CDK7: variants seen among roughly 807,000 people sequenced by gnomAD.
The protein encoded by CDK7 is cyclin dependent kinase 7, also known as cyclin-dependent kinase 7.
A neutral mutation model predicts 49.1 loss-of-function variants in CDK7; 25 were observed. The ratio of observed to expected loss-of-function variants is 0.51; its 90% CI spans 0.37 to 0.71. The LOEUF (loss-of-function observed/expected upper bound fraction) is 0.71, where lower values mean the gene tolerates loss of function less well. Ranked by LOEUF, CDK7 falls within the 30% of genes least tolerant of loss-of-function variation. The pLI, the probability that CDK7 is intolerant of heterozygous loss-of-function variation, is 0.00. For synonymous variants in CDK7, 107 were observed against 140.0 expected (o/e 0.76, Z 1.67); for missense variants, 316 against 411.7 (o/e 0.77, Z 2.01).
chr5:69,254,817 G>A, intron 4 of CDK7, 148 bp downstream of exon 4: 1 of 573,742 alleles, frequency 1.7e-6, no homozygotes, highest in East Asian at 2.8e-5. Flanking sequence ...CAGTTGTTTT[G>A]GTAGGCATTG....
intron 5 of CDK7, among the ~76,000 whole-genome samples, chr5:69,256,281 AT>A (rs1405271779): frequency 6.6e-6 from 1 of 152,196 alleles, no homozygotes; most frequent in Non-Finnish European, 1.5e-5. Context: ...ATATTAAAAA[AT>A]AAAGAAACTT....
At position 69,273,091 on chromosome 5, in the gene CDK7, C is replaced by A. The variant is rs376959122; in HGVS notation, c.864+50C>A. On this transcript the variant is annotated intron_variant, in intron 10 of 11. Coordinates refer to ENST00000256443, the MANE Select transcript of CDK7 (RefSeq NM_001799.4). ...CTAGGAAATATAAAAATAATCTTAA[C>A]TGTAGCATTGATAAAAATAGAATTT... 11 of 1,204,978 alleles carry A rather than the reference C, an allele frequency of 9.1e-6. No homozygotes were observed. The Admixed American group carries it at 1.7e-4, about 18-fold the overall frequency. 74.6% of individuals were successfully genotyped at this position (1,204,978 alleles called of 1,614,324 possible).
At chr5:69,267,292 CTTTTTTTTTTTTT>C (rs71612523) in intron 8 of CDK7, among the ~76,000 whole-genome samples, 21 of 91,094 alleles carry the variant, frequency 2.3e-4, no homozygotes, top group South Asian at 2.0e-3. Flanking sequence ...ATAAGGATTC[CTTTTTTTTTTTTT>C]TTTTTTTTTT....
At chr5:69,250,300 C>G (rs145980966) in intron 2 of CDK7, among the ~76,000 whole-genome samples, 5 of 152,106 alleles carry the variant, frequency 3.3e-5, no homozygotes, top group African/African-American at 1.2e-4. Context: ...TAGGGGGTAC[C>G]CCGAACCCAG....
chr5:69,266,967 C>G (rs1271911257), intron 8 of CDK7, among the ~76,000 whole-genome samples: 1 of 151,988 alleles, frequency 6.6e-6, no homozygotes, highest in Non-Finnish European at 1.5e-5. Context: ...GTCAAAGAAC[C>G]AATTTTTATT....
chr5:69,242,892 A>C (rs1055651301), intron 2 of CDK7, among the ~76,000 whole-genome samples: 1 of 152,168 alleles, frequency 6.6e-6, no homozygotes. Context: ...CTAAAAATAC[A>C]AAATTATCCG....
intron 8 of CDK7, among the ~76,000 whole-genome samples, chr5:69,264,419 C>G (rs1751014020): frequency 6.6e-6 from 1 of 152,154 alleles, no homozygotes. Flanking sequence ...GTGGTACATA[C>G]CTGTGGTCCC....
Position 69,259,900 on chromosome 5 carries a change from G to T in CDK7, c.491G>T (p.Ser164Ile), listed in dbSNP as rs1187979417. Reference sequence around the variant, plus strand: ...TTTGGCCTGGCCAAATCTTTTGGGAGCCCCAATAGAGCTTATACACATCAG... The same window carrying T: ...TTTGGCCTGGCCAAATCTTTTGGGATCCCCAATAGAGCTTATACACATCAG... Reference protein sequence around the residue: ...ADFGLAKSFGSPNRAYTHQVV... With the variant: ...ADFGLAKSFGIPNRAYTHQVV... Residue 164 changes from serine (S) to isoleucine (I), a missense_variant, in exon 7 of 12, where the codon AGC becomes ATC. By Grantham distance (142) the Ser-to-Ile change is moderately radical. Transcript: ENST00000256443. 6.2e-7 allele frequency: 1 copy of T among 1,612,920 alleles called. No individual in the cohort carries two copies. The highest frequency in any genetic ancestry group is 8.5e-7 in the Non-Finnish European group (1 of 1,178,922).
chr5:69,243,074 A>G (rs553671890), intron 2 of CDK7, among the ~76,000 whole-genome samples: 1 of 152,176 alleles, frequency 6.6e-6, no homozygotes, highest in East Asian at 1.9e-4. Flanking sequence ...GGAGTCAGCT[A>G]TATCACGTTT....
chr5:69,252,670 T>C (rs1228915788), intron 3 of CDK7, among the ~76,000 whole-genome samples: 1 of 151,830 alleles, frequency 6.6e-6, no homozygotes, highest in Non-Finnish European at 1.5e-5. Flanking sequence ...CCACCACTTG[T>C]GGTTAATGTT....
intron 3 of CDK7, 132 bp from the exon 4 acceptor site, chr5:69,254,470 C>G: frequency 2.1e-6 from 1 of 484,554 alleles, no homozygotes. Context: ...TGCAGTGAGC[C>G]GAGATCACGC....
chr5:69,251,154 G>A (rs1337323713), intron 2 of CDK7, among the ~76,000 whole-genome samples: 1 of 149,984 alleles, frequency 6.7e-6, no homozygotes, highest in East Asian at 2.0e-4. Context: ...CTGGAGTGCA[G>A]TGGCACGATC....
chr5:69,248,802 CTTTTTTTTTTTT>C (rs70992911), intron 2 of CDK7, among the ~76,000 whole-genome samples: 1 of 92,276 alleles, frequency 1.1e-5, no homozygotes, highest in South Asian at 4.1e-4. Flanking sequence ...TTTTTTTTTT[CTTTTTTTTTTTT>C]TTTTTGGAGA....
chr5:69,265,294 A>T (rs1234853648), intron 8 of CDK7, among the ~76,000 whole-genome samples: 3 of 152,058 alleles, frequency 2.0e-5, no homozygotes, highest in African/African-American at 7.2e-5. Context: ...GAGTACAATT[A>T]TGAAAATTAC....
intron 2 of CDK7, among the ~76,000 whole-genome samples, 189 bp from the exon 3 acceptor site, chr5:69,252,227 TTC>T (rs1240428395): frequency 6.6e-6 from 1 of 152,176 alleles, no homozygotes; most frequent in East Asian, 1.9e-4. Context: ...AGGTATTTGA[TTC>T]TCTCTTATAT....
At chr5:69,252,251 T>C (rs777003055) in intron 2 of CDK7, among the ~76,000 whole-genome samples, 167 bp from the exon 3 acceptor site, 10 of 152,184 alleles carry the variant, frequency 6.6e-5, no homozygotes, top group Admixed American at 4.6e-4. Flanking sequence ...GTTAATTTTA[T>C]CTTTCTGATC....
intron 2 of CDK7, among the ~76,000 whole-genome samples, chr5:69,248,497 C>T (rs1368383343): frequency 6.6e-6 from 1 of 152,080 alleles, no homozygotes; most frequent in Non-Finnish European, 1.5e-5. Context: ...AAGCGATTCT[C>T]CTGCCTCAGC....
intron 2 of CDK7, chr5:69,250,600 A>G (rs1750074606): frequency 2.4e-6 from 1 of 417,752 alleles, no homozygotes; most frequent in Non-Finnish European, 4.8e-6. Flanking sequence ...TTCCAGGGGT[A>G]GGTCCAGAAA....
intron 2 of CDK7, among the ~76,000 whole-genome samples, chr5:69,247,630 T>C (rs1395251454): frequency 6.6e-6 from 1 of 152,128 alleles, no homozygotes; most frequent in Non-Finnish European, 1.5e-5. Flanking sequence ...ACTTGTTTTC[T>C]GGTTGTTTTG....
Sources: allele counts gnomAD v4.1 joint callset (sites outside exome capture counted in the v4.1 genomes callset), GRCh38; gene constraint gnomAD v4.1.1; transcripts MANE v1.5; gene names NCBI Gene and HGNC (gene_info 2026-07-23, HGNC 2026-07-21).